The following TBC1D2B variants were observed in gnomAD, a reference collection of about 807,000 sequenced individuals.
TBC1D2B encodes the protein TBC1 domain family member 2B.
In TBC1D2B, 64 loss-of-function variants were observed where a neutral mutation model predicts 100.8. The observed-to-expected ratio is 0.64, with a 90% CI of 0.52 to 0.78. The LOEUF (loss-of-function observed/expected upper bound fraction) is 0.78. TBC1D2B is among the 30% of genes least tolerant of loss of function. The pLI, the probability that TBC1D2B is intolerant of heterozygous loss-of-function variation, is 0.00. For synonymous variants in TBC1D2B, 480 were observed against 479.7 expected, an observed-to-expected ratio of 1.00 and a Z score of -0.01; for missense variants, 1,052 against 1,218.4, an observed-to-expected ratio of 0.86 and a Z score of 2.03.
intron 3 of TBC1D2B, among the ~76,000 whole-genome samples, chr15:78,040,156 C>T (rs939111022): frequency 3.9e-5 from 6 of 152,262 alleles, no homozygotes; most frequent in African/African-American, 7.2e-5. Context: ...CTCTTGCTTG[C>T]GCACTCCCAC....
At chr15:78,040,379 A>G (rs2073045653) in intron 3 of TBC1D2B, among the ~76,000 whole-genome samples, 1 of 152,068 alleles carries the variant, frequency 6.6e-6, no homozygotes, top group African/African-American at 2.4e-5. Context: ...CACCAGCCAA[A>G]GCCTCTTCTT....
chr15:78,027,473 G>C (rs1364406485), intron 4 of TBC1D2B, among the ~76,000 whole-genome samples: 1 of 152,224 alleles, frequency 6.6e-6, no homozygotes, highest in Non-Finnish European at 1.5e-5. Flanking sequence ...GGACAAGTTG[G>C]AGGGCTGATT....
rs753152235 is a variant in TBC1D2B, at chr15:78,053,885, G to A, written c.514+149C>T. The A allele has an allele frequency of 2.8e-5, 25 of 902,198 alleles. No individual in the cohort carries two copies. In the African/African-American group the frequency reaches 3.4e-4, roughly 12 times the overall value. 55.9% of individuals were successfully genotyped at this position (902,198 alleles called of 1,614,324 possible). On this transcript the variant is annotated intron_variant, in intron 2 of 12. Coordinates refer to ENST00000300584, the MANE Select transcript of TBC1D2B (RefSeq NM_144572.2). ...TTGCATAAGCTTTGTACATGGAGGCGCTGGGTAACTGTGGAATGCTGTCCA... is the reference window on the plus strand; with the variant it reads ...TTGCATAAGCTTTGTACATGGAGGCACTGGGTAACTGTGGAATGCTGTCCA...
rs1417794538 is a variant in TBC1D2B at position 78,044,803 on chromosome 15, G to T, written c.683+97C>A. 3 of 1,167,878 alleles carry T rather than the reference G, an allele frequency of 2.6e-6. No homozygotes were observed. In the African/African-American group the frequency reaches 4.6e-5, roughly 18 times the overall value. 72.3% of individuals were successfully genotyped at this position (1,167,878 alleles called of 1,614,324 possible). Reference sequence around the variant, plus strand: ...ATGTAAACAACAAAGGCCTTTGTAAGTGTAAGATAGTTTTATAACTTCATT... The same window carrying T: ...ATGTAAACAACAAAGGCCTTTGTAATTGTAAGATAGTTTTATAACTTCATT... On this transcript the variant is annotated intron_variant, in intron 3 of 12. Coordinates refer to ENST00000300584, the MANE Select transcript of TBC1D2B (RefSeq NM_144572.2).
Position 78,003,461 on chromosome 15 carries a change from C to G in TBC1D2B, c.2418G>C (p.Met806Ile), listed in dbSNP as rs1213301019. The G allele has an allele frequency of 6.2e-7, 1 of 1,612,670 alleles. No individual in the cohort carries two copies. Among genetic ancestry groups the G allele is most frequent in the African/African-American group, 1.3e-5 (1 of 75,034 alleles). Reference sequence around the variant, plus strand: ...CATGCAACCGAGGCAGCTTCTCACTCATAAGGTCTCTGAACACCCGCTGGT... The same window carrying G: ...CATGCAACCGAGGCAGCTTCTCACTGATAAGGTCTCTGAACACCCGCTGGT... ...QVDQRVFRDL[M>I]SEKLPRLHGH... Residue 806 changes from methionine (M) to isoleucine (I), a missense_variant, in exon 11 of 13, where the codon ATG (methionine) becomes ATC (isoleucine). Transcript: ENST00000300584.
At chr15:78,074,167 C>A (rs1469698706) in intron 1 of TBC1D2B, among the ~76,000 whole-genome samples, 1 of 151,716 alleles carries the variant, frequency 6.6e-6, no homozygotes, top group African/African-American at 2.4e-5. Context: ...GGGACTACAG[C>A]GTGCGCCACC....
At chr15:78,039,411 G>A (rs2073022249) in intron 3 of TBC1D2B, among the ~76,000 whole-genome samples, 1 of 152,138 alleles carries the variant, frequency 6.6e-6, no homozygotes, top group African/African-American at 2.4e-5. Flanking sequence ...CAGGCCTGAG[G>A]GAGTCAAGAG....
intron 3 of TBC1D2B, among the ~76,000 whole-genome samples, chr15:78,032,925 G>A (rs1488148752): frequency 6.6e-6 from 1 of 152,072 alleles, no homozygotes; most frequent in Admixed American, 6.5e-5. Context: ...GGGAAGAGAT[G>A]GAATAAAAGT....
intron 6 of TBC1D2B, among the ~76,000 whole-genome samples, chr15:78,023,231 G>A (rs2072560702): frequency 6.6e-6 from 1 of 152,172 alleles, no homozygotes; most frequent in Non-Finnish European, 1.5e-5. Flanking sequence ...TGCAAGATGA[G>A]GGTGGCCAGG....
intron 6 of TBC1D2B, among the ~76,000 whole-genome samples, chr15:78,022,025 TG>T (rs1372685319): frequency 2.6e-5 from 4 of 152,328 alleles, no homozygotes; most frequent in Non-Finnish European, 5.9e-5. Flanking sequence ...ACTATAGTAT[TG>T]TTCTACGCAC....
intron 4 of TBC1D2B, chr15:78,025,700 G>C: frequency 2.9e-6 from 1 of 339,102 alleles, no homozygotes; most frequent in South Asian, 4.0e-5. Context: ...CTAATTTTTT[G>C]TATTTTCAGT....
At chr15:78,057,578 G>A (rs924188753) in intron 1 of TBC1D2B, among the ~76,000 whole-genome samples, 28 of 152,248 alleles carry the variant, frequency 1.8e-4, no homozygotes, top group Admixed American at 1.2e-3. Context: ...CCCAGGAAAC[G>A]GAGGTTGCAG....
chr15:78,011,744 G>A (rs2072236698), intron 9 of TBC1D2B, among the ~76,000 whole-genome samples: 1 of 150,410 alleles, frequency 6.6e-6, no homozygotes, highest in Admixed American at 6.7e-5. Flanking sequence ...TGCCTCCCGG[G>A]TTCAAGTGAT....
Position 78,013,222 on chromosome 15 carries a change from TAGAG to T in TBC1D2B, c.1867_1870del (p.Leu623ThrfsTer22), listed in dbSNP as rs1567015676. 1.2e-6 allele frequency: 2 copies of T among 1,613,992 alleles called. No homozygotes were observed. Among genetic ancestry groups the T allele is most frequent in the Non-Finnish European group, 1.7e-6 (2 of 1,179,898 alleles). On this transcript the variant is annotated frameshift_variant, in exon 9 of 13. Transcript: ENST00000300584. LOFTEE classifies it high-confidence loss of function. ...GGAGACTTCCTGGTTTTCTGTGAGG[TAGAG>T]AGTCTTCAGATCCAACGCGCGGACC...
At chr15:78,021,586 A>T (rs997240883) in intron 6 of TBC1D2B, among the ~76,000 whole-genome samples, 3 of 152,294 alleles carry the variant, frequency 2.0e-5, no homozygotes, top group African/African-American at 7.2e-5. Flanking sequence ...ATAACAGAGC[A>T]ATGTCAGAAA....
intron 3 of TBC1D2B, among the ~76,000 whole-genome samples, chr15:78,030,631 T>C (rs2072785084): frequency 6.6e-6 from 1 of 152,144 alleles, no homozygotes; most frequent in African/African-American, 2.4e-5. Context: ...TCTTATACAC[T>C]GCTGGTGGGA....
rs536053616 is a variant in TBC1D2B at position 78,065,848 on chromosome 15, C to T, written c.360+11445G>A. Among the ~76,000 whole-genome samples the T allele has an allele frequency of 2.6e-5, 4 of 152,186 alleles. No individual in the cohort carries two copies. In the South Asian group the frequency reaches 8.3e-4, roughly 32 times the overall value. On this transcript the variant is annotated intron_variant, in intron 1 of 12. Transcript: ENST00000300584. The stretch of plus-strand genomic sequence containing the variant: ...ACCAGAGATTTGGGAGGCAGTGGAG[C>T]CAGGTACCAGGAACCCGCCTAGTCT...
rs894751367 is a variant in TBC1D2B at position 77,998,004 on chromosome 15, C to G, written c.*156G>C. ...GATTAGACCTCCCACCCCTGCCCCCCGCACAGTGGGAAATGAGGAAGGGCA... is the reference window on the plus strand; with the variant it reads ...GATTAGACCTCCCACCCCTGCCCCCGGCACAGTGGGAAATGAGGAAGGGCA... On this transcript the variant is annotated 3_prime_UTR_variant, in exon 13 of 13. Coordinates refer to ENST00000300584, the MANE Select transcript of TBC1D2B (RefSeq NM_144572.2). 1.5e-6 allele frequency: 1 copy of G among 665,968 alleles called. No individual in the cohort carries two copies. The allele number at this position is 665,968 out of a possible 1,614,324, so 41.3% of individuals were successfully genotyped here.
intron 1 of TBC1D2B, among the ~76,000 whole-genome samples, chr15:78,062,222 T>A (rs1173486438): frequency 2.6e-5 from 4 of 152,238 alleles, no homozygotes; most frequent in Non-Finnish European, 4.4e-5. Flanking sequence ...AACATTTCTA[T>A]TCTCTTGGAA....
Sources: allele counts gnomAD v4.1 joint callset (sites outside exome capture counted in the v4.1 genomes callset), GRCh38; gene constraint gnomAD v4.1.1; transcripts MANE v1.5; gene names NCBI Gene and HGNC (gene_info 2026-07-23, HGNC 2026-07-21).